Variants in CHLSN observed in about 807,000 individuals in gnomAD.
The protein encoded by CHLSN is cholesin.
chr7:978,545 G>C, the CHLSN span, among the ~76,000 whole-genome samples: 1 of 152,288 alleles, frequency 6.6e-6, no homozygotes, highest in South Asian at 2.1e-4. Context: ...GCTCAGAGGA[G>C]GGAACGAACC....
At chr7:1,099,356 G>T in the CHLSN span, among the ~76,000 whole-genome samples, 24 of 152,380 alleles carry the variant, frequency 1.6e-4, no homozygotes. Flanking sequence ...GCCCTGTGCT[G>T]GTGGGCCACG....
the CHLSN span, chr7:1,059,339 C>T: frequency 6.5e-6 from 1 of 154,646 alleles, no homozygotes; most frequent in Non-Finnish European, 1.5e-5. Flanking sequence ...CACACGGGGT[C>T]TGGTGGGAGG....
chr7:1,117,552 C>G, the CHLSN span, among the ~76,000 whole-genome samples: 3 of 141,594 alleles, frequency 2.1e-5, no homozygotes, highest in South Asian at 6.7e-4. Context: ...CTTCCATCAC[C>G]AATGTCCACG....
the CHLSN span, among the ~76,000 whole-genome samples, chr7:1,131,638 A>G: frequency 3.9e-5 from 6 of 152,380 alleles, no homozygotes; most frequent in African/African-American, 1.4e-4. Flanking sequence ...TACTGTTGAC[A>G]CAGGGGCTCT....
the CHLSN span, chr7:1,021,680 G>T: frequency 1.8e-6 from 1 of 560,954 alleles, no homozygotes; most frequent in Non-Finnish European, 2.3e-6. Flanking sequence ...CGGCAGGTCG[G>T]CTGGAGGCAG....
At chr7:1,060,095 T>C in the CHLSN span, among the ~76,000 whole-genome samples, 1 of 152,008 alleles carries the variant, frequency 6.6e-6, no homozygotes, top group Non-Finnish European at 1.5e-5. Flanking sequence ...CTCGTCAGCC[T>C]GGCTGGAGAC....
the CHLSN span, among the ~76,000 whole-genome samples, chr7:1,053,693 G>GGT: frequency 6.6e-6 from 1 of 152,212 alleles, no homozygotes; most frequent in African/African-American, 2.4e-5. Context: ...TGGGTGTGGT[G>GGT]GCAGTCGCCT....
chr7:981,440 TA>T, the CHLSN span, among the ~76,000 whole-genome samples: 457 of 152,072 alleles, frequency 3.0e-3, 1 homozygote, highest in Non-Finnish European at 5.0e-3. Context: ...ACTCCGTCTC[TA>T]AAAGAAACTT....
At chr7:1,090,414 CG>C in the CHLSN span, among the ~76,000 whole-genome samples, 2 of 152,296 alleles carry the variant, frequency 1.3e-5, no homozygotes, top group African/African-American at 4.8e-5. Flanking sequence ...GCGGCAGAGC[CG>C]GGGTGACACG....
chr7:984,452 G>A, the CHLSN span: 1 of 1,549,902 alleles, frequency 6.5e-7, no homozygotes, highest in Non-Finnish European at 8.7e-7. Context: ...GTGCACCTGG[G>A]GCGCCAGAAG....
the CHLSN span, among the ~76,000 whole-genome samples, chr7:1,128,825 C>G: frequency 8.2e-4 from 5 of 6,102 alleles, no homozygotes; most frequent in Admixed American, 1.3e-3. Context: ...TCGGCTCATC[C>G]CACCCTGTCA....
At chr7:1,114,094 T>C in the CHLSN span, among the ~76,000 whole-genome samples, 4 of 152,232 alleles carry the variant, frequency 2.6e-5, no homozygotes, top group African/African-American at 4.8e-5. Context: ...TGGCAAGCTT[T>C]CCCACTGTAG....
At chr7:1,089,759 A>T in the CHLSN span, among the ~76,000 whole-genome samples, 1 of 147,180 alleles carries the variant, frequency 6.8e-6, no homozygotes, top group Admixed American at 6.7e-5. Flanking sequence ...AGGTCAACAA[A>T]TCTCTAGTCT....
At chr7:1,013,330 C>G in the CHLSN span, among the ~76,000 whole-genome samples, 1 of 152,234 alleles carries the variant, frequency 6.6e-6, no homozygotes, top group Non-Finnish European at 1.5e-5. Context: ...CCCAAAGTTG[C>G]CCCAAGGGCT....
At chr7:983,319 C>A in the CHLSN span, 8 of 1,540,676 alleles carry the variant, frequency 5.2e-6, no homozygotes, top group Non-Finnish European at 7.0e-6. Context: ...CGGGGCCTCG[C>A]CCGCTGCCGC....
At chr7:1,052,369 C>T in the CHLSN span, among the ~76,000 whole-genome samples, 2,130 of 152,252 alleles carry the variant, frequency 0.014, 110 homozygotes, top group East Asian at 0.19. The surrounding 1 kb of genome is among the most constrained non-coding windows in gnomAD (Gnocchi z 4.2). Context: ...CTTGTGCTGG[C>T]ACCGACGTGG....
the CHLSN span, among the ~76,000 whole-genome samples, chr7:1,126,938 C>T: frequency 6.6e-5 from 10 of 152,170 alleles, no homozygotes; most frequent in Non-Finnish European, 1.2e-4. Context: ...CTCGCACCTT[C>T]CCAGGGCCCA....
chr7:1,018,430 C>G, the CHLSN span, among the ~76,000 whole-genome samples: 1 of 152,160 alleles, frequency 6.6e-6, no homozygotes, highest in African/African-American at 2.4e-5. Context: ...AGAGCCTGGC[C>G]CCGAGCAGAG....
the CHLSN span, among the ~76,000 whole-genome samples, chr7:1,130,080 G>T: frequency 6.6e-6 from 1 of 152,166 alleles, no homozygotes; most frequent in Admixed American, 6.5e-5. Flanking sequence ...CCGTGAGTCT[G>T]GGGTCTCCTC....
Sources: allele counts gnomAD v4.1 joint callset (sites outside exome capture counted in the v4.1 genomes callset), GRCh38; gene constraint gnomAD v4.1.1; non-coding constraint Gnocchi (gnomAD v3.1); transcripts MANE v1.5; gene names NCBI Gene and HGNC (gene_info 2026-07-23, HGNC 2026-07-21).